ABCG2: variants seen among roughly 807,000 people sequenced by gnomAD.
ABCG2 encodes the protein broad substrate specificity ATP-binding cassette transporter ABCG2.
ABCG2 carries 80 observed loss-of-function variants against 73.5 expected under a neutral mutation model. The ratio of observed to expected loss-of-function variants is 1.09; its 90% CI spans 0.91 to 1.31. The LOEUF is 1.31. Among genes scored for constraint, ABCG2 ranks in the 50% most tolerant of loss-of-function variants. The probability of loss-of-function intolerance (pLI) is 0.00; values close to 1 mark genes in which losing one functional copy is unlikely to be tolerated. For synonymous variants in ABCG2, 269 were observed against 282.4 expected, an observed-to-expected ratio of 0.95 and a Z score of 0.48; for missense variants, 796 against 786.2, an observed-to-expected ratio of 1.01 and a Z score of -0.15.
intron 1 of ABCG2, among the ~76,000 whole-genome samples, chr4:88,224,256 C>G (rs1730115585): frequency 1.3e-5 from 2 of 151,992 alleles, no homozygotes; most frequent in South Asian, 4.1e-4. Context: ...GGCAACAGAG[C>G]AAAACCCCTT....
At chr4:88,230,436 A>G (rs1730421368) in intron 1 of ABCG2, among the ~76,000 whole-genome samples, 1 of 151,506 alleles carries the variant, frequency 6.6e-6, no homozygotes, top group South Asian at 2.1e-4. Flanking sequence ...GCCACACCAG[A>G]TGAGGCATGA....
chr4:88,146,947 AAGGG>A (rs368758981), intron 1 of ABCG2, among the ~76,000 whole-genome samples: 6,211 of 136,116 alleles, frequency 0.046, 198 homozygotes, highest in Middle Eastern at 0.067. Context: ...GGGAGGGAGG[AAGGG>A]AGGGAGGGAG....
At chr4:88,158,955 C>T, upstream of ABCG2, 1 of 347,964 alleles carries the variant, frequency 2.9e-6, no homozygotes, top group East Asian at 8.7e-5. Flanking sequence ...TCGGGGTTCG[C>T]GGGCGGGGGT....
chr4:88,206,796 A>G (rs538141170), intron 1 of ABCG2, among the ~76,000 whole-genome samples: 10 of 152,332 alleles, frequency 6.6e-5, no homozygotes, highest in African/African-American at 2.2e-4. Context: ...TTCTTGAAAC[A>G]ACAAACCCAA....
intron 1 of ABCG2, among the ~76,000 whole-genome samples, chr4:88,218,333 A>C (rs1413569819): frequency 6.6e-6 from 1 of 152,210 alleles, no homozygotes; most frequent in African/African-American, 2.4e-5. Context: ...CTCCGTCTAG[A>C]AAGTGAGCTT....
At chr4:88,229,572 T>A (rs1730368283) in intron 1 of ABCG2, among the ~76,000 whole-genome samples, 1 of 152,210 alleles carries the variant, frequency 6.6e-6, no homozygotes. Flanking sequence ...AGAACGCCCA[T>A]GCATGTGTGG....
At chr4:88,122,435 T>C (rs1390414613) in intron 5 of ABCG2, among the ~76,000 whole-genome samples, 1 of 152,190 alleles carries the variant, frequency 6.6e-6, no homozygotes, top group Admixed American at 6.5e-5. Context: ...AAATTCTTAC[T>C]GCCAGCACAG....
intron 15 of ABCG2, among the ~76,000 whole-genome samples, chr4:88,093,278 G>A (rs1386262864): frequency 3.9e-5 from 6 of 152,162 alleles, no homozygotes; most frequent in Admixed American, 3.9e-4. Context: ...GGCCAAGGCA[G>A]GTGGATCACG....
chr4:88,108,478 G>C (rs191778328), intron 9 of ABCG2, among the ~76,000 whole-genome samples: 1 of 152,114 alleles, frequency 6.6e-6, no homozygotes, highest in African/African-American at 2.4e-5. Flanking sequence ...GTTGCAGCGA[G>C]CCAAGATCAT....
chr4:88,122,284 C>G (rs550319717), intron 5 of ABCG2, among the ~76,000 whole-genome samples: 1 of 151,866 alleles, frequency 6.6e-6, no homozygotes, highest in East Asian at 1.9e-4. Context: ...TTTTTCATAC[C>G]CCAGTGGTGC....
At chr4:88,145,804 G>A (rs1382420955) in intron 1 of ABCG2, among the ~76,000 whole-genome samples, 3 of 149,472 alleles carry the variant, frequency 2.0e-5, no homozygotes, top group Admixed American at 1.4e-4. Context: ...GCCGGGCGTG[G>A]TGGTGTGCAT....
At chr4:88,197,766 G>A (rs759714265) in intron 1 of ABCG2, among the ~76,000 whole-genome samples, 9 of 151,664 alleles carry the variant, frequency 5.9e-5, no homozygotes, top group East Asian at 2.0e-4. Flanking sequence ...TTACATTACC[G>A]CACTCCAGCC....
At chr4:88,120,957 C>A (rs1032636957) in intron 6 of ABCG2, among the ~76,000 whole-genome samples, 7 of 152,104 alleles carry the variant, frequency 4.6e-5, no homozygotes, top group African/African-American at 1.7e-4. Context: ...AATAACAATA[C>A]ACAGGTGGAA....
intron 1 of ABCG2, among the ~76,000 whole-genome samples, chr4:88,197,173 T>C (rs1728969069): frequency 7.2e-6 from 1 of 138,112 alleles, no homozygotes; most frequent in Non-Finnish European, 1.5e-5. Context: ...TTTTACCCAG[T>C]ACATCATGTC....
At chr4:88,122,926 T>C (rs973138520) in intron 5 of ABCG2, among the ~76,000 whole-genome samples, 1 of 152,142 alleles carries the variant, frequency 6.6e-6, no homozygotes, top group Non-Finnish European at 1.5e-5. Flanking sequence ...CCAGCTGGCA[T>C]CTGGCGGGTG....
rs560659849 is a variant in ABCG2, at chr4:88,113,350, G to A, written c.1147C>T (p.Arg383Cys). 5.9e-5 allele frequency: 95 copies of A among 1,614,144 alleles called. 2 individuals are homozygous for A. The South Asian group carries it at 6.9e-4, about 12-fold the overall frequency. ...TTACCCAGCAAGTTTTTGAATGAAC[G>A]CTTGGAAACCCATCTGAGTTGATGA... ...FCHQLRWVSK[R>C]SFKNLLGNPQ... Residue 383 changes from arginine to cysteine, a missense_variant, in exon 9 of 16, where the codon CGT (arginine) becomes TGT (cysteine). By Grantham distance (180) the Arg-to-Cys change is radical. Coordinates refer to ENST00000237612, the MANE Select transcript of ABCG2 (RefSeq NM_004827.3).
At chr4:88,139,740 G>T in intron 2 of ABCG2, 53 bp downstream of exon 2, 1 of 1,511,982 alleles carries the variant, frequency 6.6e-7, no homozygotes, top group Non-Finnish European at 9.0e-7. Context: ...AAACCTGTGA[G>T]GTTCACTGTA....
chr4:88,173,871 T>C (rs948896629), intron 1 of ABCG2, among the ~76,000 whole-genome samples: 66 of 152,302 alleles, frequency 4.3e-4, no homozygotes, highest in African/African-American at 1.5e-3. Context: ...GATTGTCTCA[T>C]AATTTTTAAT....
At chr4:88,128,803 G>C (rs1428601310) in intron 5 of ABCG2, among the ~76,000 whole-genome samples, 1 of 152,146 alleles carries the variant, frequency 6.6e-6, no homozygotes, top group African/African-American at 2.4e-5. Flanking sequence ...GATAGCATTA[G>C]GAGAAATACC....
Sources: allele counts gnomAD v4.1 joint callset (sites outside exome capture counted in the v4.1 genomes callset), GRCh38; gene constraint gnomAD v4.1.1; transcripts MANE v1.5; gene names NCBI Gene and HGNC (gene_info 2026-07-23, HGNC 2026-07-21).